PRKN: variants seen among roughly 807,000 people sequenced by gnomAD.
PRKN encodes the protein parkin RBR E3 ubiquitin protein ligase.
A neutral mutation model predicts 59.5 loss-of-function variants in PRKN; 56 were observed. The observed-to-expected ratio is 0.94, with a 90% confidence interval of 0.76 to 1.18. PRKN has a LOEUF of 1.18. PRKN is among the 50% of genes most tolerant of loss of function. PRKN has a pLI of 0.00. For missense variants in PRKN, 657 were observed against 596.4 expected (o/e 1.10, Z -1.06); for synonymous variants, 250 against 222.1 (o/e 1.13, Z -1.12).
chr6:162,394,325 A>G (rs1787366527), intron 2 of PRKN, among the ~76,000 whole-genome samples: 1 of 152,166 alleles, frequency 6.6e-6, no homozygotes, highest in African/African-American at 2.4e-5. Flanking sequence ...CCTAAAATGA[A>G]CACGTACTTC....
chr6:162,032,632 GA>G (rs1018140238), intron 5 of PRKN, among the ~76,000 whole-genome samples: 4 of 152,102 alleles, frequency 2.6e-5, no homozygotes, highest in Non-Finnish European at 5.9e-5. Flanking sequence ...TCATATCGAT[GA>G]AAAAAGCGAA....
At chr6:162,528,409 G>A (rs1221517618) in intron 1 of PRKN, among the ~76,000 whole-genome samples, 1 of 151,908 alleles carries the variant, frequency 6.6e-6, no homozygotes, top group East Asian at 1.9e-4. Context: ...GCAAAGATCA[G>A]TAAGAAATAA....
intron 6 of PRKN, among the ~76,000 whole-genome samples, chr6:161,858,923 G>C (rs942663773): frequency 7.4e-6 from 1 of 135,662 alleles, no homozygotes; most frequent in Non-Finnish European, 1.6e-5. Context: ...GCACAGTGGC[G>C]TGATCTTGGC....
At chr6:162,002,853 C>T (rs77434756) in intron 5 of PRKN, among the ~76,000 whole-genome samples, 89 of 152,074 alleles carry the variant, frequency 5.9e-4, no homozygotes, top group Non-Finnish European at 1.0e-3. Context: ...ATTTCAAATA[C>T]TCTTGTGATT....
intron 6 of PRKN, among the ~76,000 whole-genome samples, chr6:161,887,887 C>G (rs1795213659): frequency 6.6e-6 from 1 of 152,146 alleles, no homozygotes; most frequent in Admixed American, 6.5e-5. Flanking sequence ...CTGGAGCAAA[C>G]ACTTTGAAGA....
At chr6:161,434,956 G>A (rs558196702) in intron 9 of PRKN, among the ~76,000 whole-genome samples, 7 of 152,286 alleles carry the variant, frequency 4.6e-5, no homozygotes, top group African/African-American at 1.7e-4. Context: ...GAGTTCCTGG[G>A]AAGAAGCCCA....
At chr6:162,203,180 G>A (rs1487678371) in intron 3 of PRKN, among the ~76,000 whole-genome samples, 1 of 152,166 alleles carries the variant, frequency 6.6e-6, no homozygotes, top group East Asian at 1.9e-4. Context: ...TTCAGCTAAT[G>A]ATATATCAAC....
chr6:161,418,047 C>T (rs1308342425), intron 9 of PRKN, among the ~76,000 whole-genome samples: 3 of 152,220 alleles, frequency 2.0e-5, no homozygotes, highest in Non-Finnish European at 4.4e-5. Flanking sequence ...TCTCAGGCTG[C>T]CAGCAGAGCA....
At chr6:162,197,380 C>T (rs1039440619) in intron 4 of PRKN, among the ~76,000 whole-genome samples, 4 of 152,116 alleles carry the variant, frequency 2.6e-5, no homozygotes, top group African/African-American at 7.2e-5. Context: ...GGACTAGCTA[C>T]ACTAGATCTA....
intron 2 of PRKN, among the ~76,000 whole-genome samples, chr6:162,276,958 A>T (rs1017006449): frequency 8.5e-5 from 13 of 152,198 alleles, no homozygotes; most frequent in Non-Finnish European, 1.9e-4. Flanking sequence ...AAAAAAGAAT[A>T]GATTGATAAC....
At position 162,649,883 on chromosome 6, in the gene PRKN, ACTTT is replaced by A. The variant is rs766092691; in HGVS notation, c.7+77775_7+77778del. On this transcript the variant is annotated intron_variant, in intron 1 of 11. Transcript: ENST00000366898. ...ACATGAATATAAGTCTTTCTCTACT[ACTTT>A]ATTTTTTTAACATATGTGAATGTAT... 9.2e-5 allele frequency among the ~76,000 whole-genome samples: 14 copies of A among 152,250 alleles called. No individual in the cohort carries two copies. The South Asian group carries it at 2.9e-3, about 32-fold the overall frequency.
At chr6:162,098,592 C>T (rs1043015409) in intron 4 of PRKN, among the ~76,000 whole-genome samples, 4 of 152,136 alleles carry the variant, frequency 2.6e-5, no homozygotes, top group Non-Finnish European at 5.9e-5. Context: ...GTTTACTGTG[C>T]TTACGTACAA....
chr6:161,932,896 T>C (rs1364947715), intron 6 of PRKN, among the ~76,000 whole-genome samples: 1 of 152,334 alleles, frequency 6.6e-6, no homozygotes, highest in Admixed American at 6.5e-5. Flanking sequence ...CTCCATCCAG[T>C]AGATTCTTAA....
intron 1 of PRKN, among the ~76,000 whole-genome samples, chr6:162,669,383 TG>T (rs1402755932): frequency 6.6e-6 from 1 of 152,174 alleles, no homozygotes; most frequent in Non-Finnish European, 1.5e-5. Flanking sequence ...AAAACCACTA[TG>T]TTTTAAAGAG....
intron 5 of PRKN, among the ~76,000 whole-genome samples, chr6:161,990,546 GAGAA>G (rs1020584301): frequency 6.6e-6 from 1 of 152,006 alleles, no homozygotes; most frequent in African/African-American, 2.4e-5. Flanking sequence ...ACTAAACAAA[GAGAA>G]AGATATTTTT....
At chr6:162,489,286 G>C (rs1792698700) in intron 1 of PRKN, among the ~76,000 whole-genome samples, 1 of 152,058 alleles carries the variant, frequency 6.6e-6, no homozygotes, top group Admixed American at 6.6e-5. Flanking sequence ...TCTTCTGCTG[G>C]CCCTCCTCCA....
chr6:162,346,681 T>A (rs900735281), intron 2 of PRKN, among the ~76,000 whole-genome samples: 1 of 152,144 alleles, frequency 6.6e-6, no homozygotes, highest in Non-Finnish European at 1.5e-5. Context: ...TGATACGTTT[T>A]TAACCATGAC....
chr6:161,626,587 G>A (rs1261246621), intron 7 of PRKN, among the ~76,000 whole-genome samples: 3 of 152,212 alleles, frequency 2.0e-5, no homozygotes, highest in Non-Finnish European at 4.4e-5. Flanking sequence ...GCCAAACTCT[G>A]GCTGCATCCA....
intron 5 of PRKN, among the ~76,000 whole-genome samples, chr6:161,986,715 C>CTGT (rs1327459859): frequency 1.3e-5 from 2 of 151,412 alleles, no homozygotes; most frequent in African/African-American, 4.9e-5. Flanking sequence ...ACATTTACTG[C>CTGT]TGCTGTTGAA....
Sources: gnomAD v4.1 joint callset for allele counts (sites outside exome capture counted in the v4.1 genomes callset) on GRCh38, gnomAD v4.1.1 for gene constraint, MANE v1.5 for transcripts, NCBI Gene and HGNC (gene_info 2026-07-23, HGNC 2026-07-21) for gene names.